Variants in MAP3K15 observed in about 807,000 individuals in gnomAD.
MAP3K15 encodes MAPK/ERK kinase kinase 15.
In MAP3K15, 124 loss-of-function variants were observed where a neutral mutation model predicts 99.5. That is an observed-to-expected ratio of 1.25 (90% CI 1.08 to 1.45). The LOEUF is 1.45. MAP3K15 is among the 40% of genes most tolerant of loss of function. MAP3K15 has a pLI of 0.00. For missense variants in MAP3K15, 1,242 were observed against 1,079.7 expected (o/e 1.15, Z -2.11); for synonymous variants, 494 against 439.6 (o/e 1.12, Z -1.55).
chrX:19,469,945 T>C (rs1327075160), intron 3 of MAP3K15, among the ~76,000 whole-genome samples: 10 of 109,929 alleles, frequency 9.1e-5, no homozygotes, highest in African/African-American at 3.3e-4. Flanking sequence ...ACTTTTACAC[T>C]GGTGGTGGGA....
chrX:19,372,600 G>A (rs2063383551), intron 22 of MAP3K15, 53 bp downstream of exon 22: 1 of 1,133,623 alleles, frequency 8.8e-7, no homozygotes, highest in Non-Finnish European at 1.2e-6. Flanking sequence ...TCTGGGGACT[G>A]GGACCTGGGC....
chrX:19,394,917 G>A (rs771171001), intron 16 of MAP3K15, among the ~76,000 whole-genome samples, 164 bp downstream of exon 16: 7 of 98,802 alleles, frequency 7.1e-5, no homozygotes, highest in Non-Finnish European at 1.2e-4. Context: ...TTGACCTCAT[G>A]GGCTCAAGTG....
At chrX:19,455,954 A>C (rs967196619) in intron 6 of MAP3K15, among the ~76,000 whole-genome samples, 1 of 111,008 alleles carries the variant, frequency 9.0e-6, no homozygotes, top group African/African-American at 3.3e-5. Flanking sequence ...GGGGGAACAA[A>C]GTTACAAGAC....
chrX:19,366,263 T>G (rs1445155732), intron 25 of MAP3K15, among the ~76,000 whole-genome samples: 1 of 111,108 alleles, frequency 9.0e-6, no homozygotes, highest in Non-Finnish European at 1.9e-5. Context: ...TCCTTTTACG[T>G]TAGTGAAGGA....
At chrX:19,384,748 GGAAAAA>G (rs1227817841) in intron 18 of MAP3K15, among the ~76,000 whole-genome samples, 11 of 56,469 alleles carry the variant, frequency 1.9e-4, no homozygotes, top group African/African-American at 4.9e-4. Context: ...TTGTCTCAGG[GGAAAAA>G]AAAAAAAAAA....
chrX:19,398,915 A>G (rs1569210656), intron 14 of MAP3K15, among the ~76,000 whole-genome samples: 1 of 111,952 alleles, frequency 8.9e-6, no homozygotes, highest in Non-Finnish European at 1.9e-5. Context: ...CCATCTTCCC[A>G]TCAAAAGCTG....
intron 6 of MAP3K15, among the ~76,000 whole-genome samples, chrX:19,450,164 T>C (rs957821271): frequency 9.1e-6 from 1 of 109,560 alleles, no homozygotes. Context: ...TCAGAACCCA[T>C]TGGAATGATA....
intron 1 of MAP3K15, among the ~76,000 whole-genome samples, chrX:19,500,863 C>G (rs2064436252): frequency 8.9e-6 from 1 of 111,967 alleles, no homozygotes; most frequent in African/African-American, 3.3e-5. Context: ...GTCCTAGTAA[C>G]AGATAATAAC....
chrX:19,460,254 A>C (rs1180321277), intron 4 of MAP3K15, 101 bp from the exon 5 acceptor site: 3 of 540,122 alleles, frequency 5.6e-6, no homozygotes, highest in Non-Finnish European at 8.2e-6. Flanking sequence ...AGGCTAACAC[A>C]TAGGGACCTC....
Position 19,485,409 on chromosome X carries a change from A to G in MAP3K15, c.525+1073T>C, listed in dbSNP as rs185845815. Among the ~76,000 whole-genome samples, 297 of 109,336 alleles carry G rather than the reference A, an allele frequency of 2.7e-3. 1 individual carries two copies. Among genetic ancestry groups the G allele is most frequent in the Non-Finnish European group, 3.6e-3 (189 of 52,445 alleles). 94.9% of individuals were successfully genotyped at this position (109,336 alleles called of 115,157 possible). On this transcript the variant is annotated intron_variant, in intron 3 of 28. Coordinates refer to ENST00000338883, the MANE Select transcript of MAP3K15 (RefSeq NM_001001671.4). Reference sequence around the variant, plus strand: ...CATCAGCATGTAAATGGGACCAAAAAAAGTCACACCTGATCCCATTTCTTT... The same window carrying G: ...CATCAGCATGTAAATGGGACCAAAAGAAGTCACACCTGATCCCATTTCTTT...
chrX:19,386,684 G>A (rs1220559723), intron 18 of MAP3K15, among the ~76,000 whole-genome samples: 1 of 111,155 alleles, frequency 9.0e-6, no homozygotes. Context: ...GGGGACTCCT[G>A]GAGAATTGTC....
At chrX:19,380,095 A>G (rs747113824) in intron 19 of MAP3K15, 25 bp downstream of exon 19, 8 of 1,158,374 alleles carry the variant, frequency 6.9e-6, no homozygotes, top group African/African-American at 1.8e-5. Flanking sequence ...ACCACGCCCA[A>G]CCTCAATCAC....
chrX:19,511,361 A>T, intron 1 of MAP3K15, among the ~76,000 whole-genome samples: 1 of 112,401 alleles, frequency 8.9e-6, no homozygotes, highest in Middle Eastern at 4.6e-3. Context: ...AGCAGAAGAA[A>T]CTATCATCAG....
At chrX:19,414,791 G>A (rs754323596) in intron 10 of MAP3K15, among the ~76,000 whole-genome samples, 2 of 111,589 alleles carry the variant, frequency 1.8e-5, no homozygotes, top group South Asian at 3.8e-4. Flanking sequence ...CAGCATCCCT[G>A]GTCTCTATCC....
chrX:19,378,189 G>A (rs1021928516), intron 19 of MAP3K15, among the ~76,000 whole-genome samples: 16 of 112,452 alleles, frequency 1.4e-4, no homozygotes, highest in African/African-American at 3.9e-4. Flanking sequence ...CTGGAATCGC[G>A]TTCTATCAGG....
chrX:19,381,768 C>T (rs778502934), intron 18 of MAP3K15, among the ~76,000 whole-genome samples: 3 of 111,969 alleles, frequency 2.7e-5, no homozygotes, highest in Admixed American at 9.4e-5. Flanking sequence ...CTTCGTTTTC[C>T]TTGAAACTCA....
At chrX:19,382,003 G>A (rs1339897782) in intron 18 of MAP3K15, among the ~76,000 whole-genome samples, 2 of 111,758 alleles carry the variant, frequency 1.8e-5, no homozygotes, top group African/African-American at 6.5e-5. Context: ...CCAGCACTTT[G>A]GGAGGCCGAG....
At chrX:19,464,103 A>AT in intron 4 of MAP3K15, 110 bp downstream of exon 4, 1 of 639,116 alleles carries the variant, frequency 1.6e-6, no homozygotes, top group East Asian at 3.4e-5. Context: ...GTAAGGGACA[A>AT]TAGTGGGTTC....
intron 1 of MAP3K15, among the ~76,000 whole-genome samples, chrX:19,508,894 C>G (rs1374341346): frequency 3.6e-5 from 4 of 111,548 alleles, no homozygotes; most frequent in African/African-American, 1.3e-4. Context: ...AAAAAAAAAT[C>G]TATATATATG....
Sources: allele counts gnomAD v4.1 joint callset (sites outside exome capture counted in the v4.1 genomes callset), GRCh38; gene constraint gnomAD v4.1.1; transcripts MANE v1.5; gene names NCBI Gene and HGNC (gene_info 2026-07-23, HGNC 2026-07-21).